Variants in TCF4 observed in about 807,000 individuals in gnomAD.
TCF4 encodes SL3-3 enhancer factor 2.
A neutral mutation model predicts 82.1 loss-of-function variants in TCF4; 3 were observed. That is an observed-to-expected ratio of 0.04 (90% CI 0.02 to 0.09). TCF4 has a LOEUF of 0.09. Among genes scored for constraint, TCF4 ranks in the 10% least tolerant of loss-of-function variants. TCF4 has a pLI of 1.00. For synonymous variants in TCF4, 276 were observed against 309.6 expected (o/e 0.89, Z 1.14); for missense variants, 518 against 852.7 (o/e 0.61, Z 4.89).
Position 55,465,099 on chromosome 18 carries a change from A to G in TCF4, c.146-962T>C, listed in dbSNP as rs932441898. On this transcript the variant is annotated intron_variant, in intron 3 of 19. Transcript: ENST00000354452. ...CATAAGTATAAAAAGTTTCACTGTT[A>G]TATTATTTTGATCACGGCTGATAAC... Among the ~76,000 whole-genome samples, 5 of 152,202 alleles carry G rather than the reference A, an allele frequency of 3.3e-5. No individual in the cohort carries two copies. The South Asian group carries it at 1.0e-3, about 31-fold the overall frequency.
chr18:55,242,994 G>A (rs771851276), intron 15 of TCF4, among the ~76,000 whole-genome samples: 6 of 152,068 alleles, frequency 3.9e-5, no homozygotes, highest in Admixed American at 1.3e-4. Context: ...GGTCATGTAG[G>A]GTTTTAAAAA....
intron 5 of TCF4, among the ~76,000 whole-genome samples, chr18:55,448,439 C>T (rs561771218): frequency 2.6e-5 from 4 of 152,302 alleles, no homozygotes; most frequent in South Asian, 4.1e-4. Context: ...TCAGAAAATC[C>T]ATTGTACGTT....
At chr18:55,396,468 A>G (rs953376309) in intron 6 of TCF4, among the ~76,000 whole-genome samples, 2 of 152,188 alleles carry the variant, frequency 1.3e-5, no homozygotes, top group Non-Finnish European at 2.9e-5. Flanking sequence ...GGCAGGGATT[A>G]TTAGCTGATC....
intron 8 of TCF4, among the ~76,000 whole-genome samples, chr18:55,303,190 CCTT>C (rs1162484275): frequency 2.0e-5 from 3 of 151,224 alleles, no homozygotes; most frequent in Admixed American, 1.3e-4. Context: ...AGAAGAACCT[CCTT>C]CTCTTCCTAC....
chr18:55,426,871 C>T (rs949196865), intron 5 of TCF4, among the ~76,000 whole-genome samples: 3 of 152,118 alleles, frequency 2.0e-5, no homozygotes, highest in African/African-American at 7.2e-5. Flanking sequence ...GACACACACA[C>T]ACACTCCTCA....
intron 13 of TCF4, 70 bp from the exon 14 acceptor site, chr18:55,257,461 A>C: frequency 6.7e-7 from 1 of 1,489,306 alleles, no homozygotes; most frequent in Non-Finnish European, 9.4e-7. Context: ...TATTTTAAAC[A>C]GTCCTTTTGG....
At chr18:55,338,562 T>A (rs2079140447) in intron 8 of TCF4, among the ~76,000 whole-genome samples, 1 of 152,224 alleles carries the variant, frequency 6.6e-6, no homozygotes, top group South Asian at 2.1e-4. Context: ...TCTTATATAA[T>A]TAAATTGTAG....
At chr18:55,328,576 A>T (rs1365754058) in intron 8 of TCF4, among the ~76,000 whole-genome samples, 1 of 152,178 alleles carries the variant, frequency 6.6e-6, no homozygotes, top group Non-Finnish European at 1.5e-5. Flanking sequence ...CGAGCTTACC[A>T]CAATCACCTG....
intron 8 of TCF4, among the ~76,000 whole-genome samples, chr18:55,309,111 T>C (rs962236966): frequency 2.6e-5 from 4 of 151,806 alleles, no homozygotes; most frequent in Admixed American, 6.6e-5. Context: ...TTATTATTAT[T>C]ATCATTATTT....
chr18:55,307,497 G>A (rs900785177), intron 8 of TCF4, among the ~76,000 whole-genome samples: 8 of 152,156 alleles, frequency 5.3e-5, no homozygotes, highest in African/African-American at 1.2e-4. Context: ...ATTATATTTC[G>A]TCTTAATAGT....
At chr18:55,581,292 A>T (rs992039427) in intron 3 of TCF4, among the ~76,000 whole-genome samples, 10 of 151,978 alleles carry the variant, frequency 6.6e-5, no homozygotes, top group Admixed American at 2.6e-4. Context: ...TTTTTAAAAT[A>T]ACAAATAAGA....
chr18:55,538,811 T>C (rs779046512), intron 3 of TCF4, among the ~76,000 whole-genome samples: 11 of 152,268 alleles, frequency 7.2e-5, no homozygotes, highest in East Asian at 1.9e-4. Context: ...TTTAAAAAAA[T>C]TGTAAGATTT....
At chr18:55,412,939 T>C (rs539982175) in intron 5 of TCF4, among the ~76,000 whole-genome samples, 2 of 152,292 alleles carry the variant, frequency 1.3e-5, no homozygotes, top group African/African-American at 4.8e-5. Context: ...GGAAAAGGTT[T>C]GTTTGTTATA....
rs117586102 is a variant in TCF4 at position 55,232,247 on chromosome 18, T to C, written c.1649+262A>G. The C allele has an allele frequency of 4.1e-3, 1,785 of 430,364 alleles. 4 individuals carry two copies. The highest frequency in any genetic ancestry group is 5.9e-3 in the Non-Finnish European group (1,406 of 238,458). 26.7% of individuals were successfully genotyped at this position (430,364 alleles called of 1,614,324 possible). On this transcript the variant is annotated intron_variant, in intron 17 of 19. Coordinates refer to ENST00000354452, the MANE Select transcript of TCF4 (RefSeq NM_001083962.2). ...AATAAGTATAGTTTTACAAATAAAC[T>C]GTACTTGAATCAGAGACAAATTTTT...
At chr18:55,488,591 G>C (rs1462611743) in intron 3 of TCF4, among the ~76,000 whole-genome samples, 1 of 152,080 alleles carries the variant, frequency 6.6e-6, no homozygotes, top group Non-Finnish European at 1.5e-5. Context: ...AGACTACACA[G>C]GGCAGGGAGC....
intron 3 of TCF4, among the ~76,000 whole-genome samples, chr18:55,530,141 T>C (rs754979675): frequency 6.6e-6 from 1 of 152,200 alleles, no homozygotes; most frequent in African/African-American, 2.4e-5. Context: ...TAACTTTGCA[T>C]CCACTTTCAT....
chr18:55,419,834 G>T (rs1422560539), intron 5 of TCF4, among the ~76,000 whole-genome samples: 1 of 152,198 alleles, frequency 6.6e-6, no homozygotes, highest in African/African-American at 2.4e-5. Context: ...GACTGAACGG[G>T]AATACTGGCA....
intron 18 of TCF4, 119 bp from the exon 19 acceptor site, chr18:55,228,480 G>A: frequency 7.8e-6 from 11 of 1,401,792 alleles, no homozygotes; most frequent in Non-Finnish European, 1.1e-5. Context: ...AGAACAAAAG[G>A]AACAGTTACT....
chr18:55,432,670 G>A (rs1255814102), intron 5 of TCF4, among the ~76,000 whole-genome samples: 1 of 152,162 alleles, frequency 6.6e-6, no homozygotes, highest in Non-Finnish European at 1.5e-5. Flanking sequence ...GAACATACAT[G>A]CTACACCGAT....
Sources: allele counts gnomAD v4.1 joint callset (sites outside exome capture counted in the v4.1 genomes callset), GRCh38; gene constraint gnomAD v4.1.1; transcripts MANE v1.5; gene names NCBI Gene and HGNC (gene_info 2026-07-23, HGNC 2026-07-21).